The following CACNB2 variants were observed in gnomAD, a reference collection of about 807,000 sequenced individuals.
The protein encoded by CACNB2 is calcium voltage-gated channel auxiliary subunit beta 2, also known as voltage-dependent L-type calcium channel subunit beta-2.
A neutral mutation model predicts 73.3 loss-of-function variants in CACNB2; 42 were observed. That is an observed-to-expected ratio of 0.57 (90% CI 0.45 to 0.74). CACNB2 has a LOEUF of 0.74. CACNB2 is among the 30% of genes least tolerant of loss of function. The pLI is 0.00. For synonymous variants in CACNB2, 348 were observed against 310.3 expected, an observed-to-expected ratio of 1.12 and a Z score of -1.28; for missense variants, 940 against 853.0, an observed-to-expected ratio of 1.10 and a Z score of -1.27.
Position 18,347,344 on chromosome 10 carries a change from AT to A in CACNB2, c.214-54551del, listed in dbSNP as rs201654242. 1.9e-3 allele frequency among the ~76,000 whole-genome samples: 224 copies of A among 120,742 alleles called. 2 individuals carry two copies. Among genetic ancestry groups the A allele is most frequent in the Non-Finnish European group, 2.6e-3 (154 of 60,188 alleles). The allele number at this position is 120,742 out of a possible 152,430, so 79.2% of individuals were successfully genotyped here. ...AGGCGCATGCCGCCATGCCCGTCTAATTTTTTTTTTTTTTTTTTTTTTTTTT... is the reference window on the plus strand; with the variant it reads ...AGGCGCATGCCGCCATGCCCGTCTAATTTTTTTTTTTTTTTTTTTTTTTTT... On this transcript the variant is annotated intron_variant, in intron 2 of 13. Transcript: ENST00000324631.
chr10:18,152,321 T>A (rs995242778), intron 2 of CACNB2, among the ~76,000 whole-genome samples: 2 of 152,124 alleles, frequency 1.3e-5, no homozygotes, highest in Non-Finnish European at 2.9e-5. Flanking sequence ...ATTGTTGTGG[T>A]TGCAGGAAGT....
At chr10:18,175,574 A>T (rs1355421229) in intron 2 of CACNB2, among the ~76,000 whole-genome samples, 1 of 152,106 alleles carries the variant, frequency 6.6e-6, no homozygotes, top group Non-Finnish European at 1.5e-5. Flanking sequence ...ACAGGGCTCC[A>T]GTCTTCCGGC....
intron 2 of CACNB2, among the ~76,000 whole-genome samples, chr10:18,165,464 G>C (rs1348345126): frequency 6.6e-6 from 1 of 152,236 alleles, no homozygotes; most frequent in Non-Finnish European, 1.5e-5. Context: ...CCAGGCTGAA[G>C]TGCAAAGGCA....
rs530045076 is a variant in CACNB2 at position 18,247,884 on chromosome 10, G to C, written c.213+96909G>C. Reference sequence around the variant, plus strand: ...AATGCATATGACATAGAGTACCTCTGATGATGTTACAGTAACACACAGCTT... The same window carrying C: ...AATGCATATGACATAGAGTACCTCTCATGATGTTACAGTAACACACAGCTT... On this transcript the variant is annotated intron_variant, in intron 2 of 13. Coordinates refer to ENST00000324631, the MANE Select transcript of CACNB2 (RefSeq NM_201596.3). Among the ~76,000 whole-genome samples, 4 of 152,284 alleles carry C rather than the reference G, an allele frequency of 2.6e-5. 1 individual carries two copies. The South Asian group carries it at 8.3e-4, about 32-fold the overall frequency.
chr10:18,188,343 C>G (rs145344291), intron 2 of CACNB2, among the ~76,000 whole-genome samples: 15 of 152,188 alleles, frequency 9.9e-5, no homozygotes, highest in Non-Finnish European at 2.1e-4. Flanking sequence ...CAGAGTCCCA[C>G]TCTGTTGTGC....
rs184899271 is a variant in CACNB2 at position 18,148,428 on chromosome 10, C to T, written c.121-2455C>T. Among the ~76,000 whole-genome samples, 577 of 152,162 alleles carry T rather than the reference C, an allele frequency of 3.8e-3. 5 individuals are homozygous for T. Among genetic ancestry groups the T allele is most frequent in the African/African-American group, 0.013 (531 of 41,530 alleles). On this transcript the variant is annotated intron_variant, in intron 1 of 13. Transcript: ENST00000324631. The stretch of plus-strand genomic sequence containing the variant: ...ACTTTGCATAGGTAGCTAAGTACGC[C>T]TGAAATAACATTTATGAACAGGATT...
chr10:18,427,825 C>G (rs1158872135), intron 3 of CACNB2, among the ~76,000 whole-genome samples: 1 of 152,072 alleles, frequency 6.6e-6, no homozygotes, highest in African/African-American at 2.4e-5. Flanking sequence ...TTCCTTCTCT[C>G]AATTTTTACT....
At chr10:18,446,713 C>T (rs1327752685) in intron 3 of CACNB2, among the ~76,000 whole-genome samples, 2 of 152,226 alleles carry the variant, frequency 1.3e-5, no homozygotes, top group Admixed American at 1.3e-4. Flanking sequence ...CGCTGTGACA[C>T]TCCAAGAAGA....
At chr10:18,421,269 A>C (rs2045305610) in intron 3 of CACNB2, among the ~76,000 whole-genome samples, 1 of 151,566 alleles carries the variant, frequency 6.6e-6, no homozygotes, top group African/African-American at 2.4e-5. Context: ...TGTTCATTGT[A>C]ATATTACCAG....
chr10:18,152,174 T>G (rs1355412629), intron 2 of CACNB2, among the ~76,000 whole-genome samples: 1 of 152,132 alleles, frequency 6.6e-6, no homozygotes, highest in Non-Finnish European at 1.5e-5. Context: ...GGTTGCTGCT[T>G]CTTTGCACTG....
chr10:18,183,541 A>G (rs1340616855), intron 2 of CACNB2, among the ~76,000 whole-genome samples: 1 of 152,190 alleles, frequency 6.6e-6, no homozygotes, highest in Non-Finnish European at 1.5e-5. Context: ...CTTACATGGC[A>G]GCAGGCAAGA....
chr10:18,390,001 C>T (rs946015141), intron 2 of CACNB2, among the ~76,000 whole-genome samples: 1 of 152,112 alleles, frequency 6.6e-6, no homozygotes, highest in African/African-American at 2.4e-5. Context: ...AAATGTTAAA[C>T]AGTAAAATAT....
chr10:18,526,963 A>C lies in CACNB2; in HGVS notation c.945-625A>C, dbSNP rs368336420. ...AATCTCTCTGTGAGTCTCATTTTTC[A>C]TCAGCAACAGTGGGATAATAGTAAA... is the stretch of plus-strand genomic sequence containing the variant. On this transcript the variant is annotated intron_variant, in intron 9 of 13. Transcript: ENST00000324631. Among the ~76,000 whole-genome samples, 375 of 152,328 alleles carry C rather than the reference A, an allele frequency of 2.5e-3. 1 individual carries two copies. The highest frequency in any genetic ancestry group is 6.8e-3 in the Middle Eastern group (2 of 294).
chr10:18,180,767 C>T (rs2033831889), intron 2 of CACNB2, among the ~76,000 whole-genome samples: 1 of 151,970 alleles, frequency 6.6e-6, no homozygotes, highest in South Asian at 2.1e-4. Flanking sequence ...GAGATCGAGA[C>T]CATCCTGGCT....
At chr10:18,450,312 G>T (rs896832599) in intron 3 of CACNB2, among the ~76,000 whole-genome samples, 2 of 152,076 alleles carry the variant, frequency 1.3e-5, no homozygotes, top group Non-Finnish European at 2.9e-5. Flanking sequence ...AGGGCTAAAA[G>T]CATCCTTTAG....
At chr10:18,385,563 CTTGTGGTGAGCCGAGA>C (rs1464384117) in intron 2 of CACNB2, among the ~76,000 whole-genome samples, 4 of 146,628 alleles carry the variant, frequency 2.7e-5, no homozygotes, top group Non-Finnish European at 4.5e-5. Context: ...GGAGGCAGAG[CTTGTGGTGAGCCGAGA>C]TCGTGCCAAG....
intron 2 of CACNB2, among the ~76,000 whole-genome samples, chr10:18,246,886 A>G (rs2036881399): frequency 6.6e-6 from 1 of 152,180 alleles, no homozygotes; most frequent in East Asian, 1.9e-4. Flanking sequence ...TGCTGGAATT[A>G]CAGGCATGAG....
chr10:18,518,446 A>C (rs774226500), intron 8 of CACNB2, 30 bp downstream of exon 8: 52 of 1,440,030 alleles, frequency 3.6e-5, no homozygotes, highest in Non-Finnish European at 4.9e-5. Flanking sequence ...AGGAAGCTTA[A>C]CTTGCATGCT....
chr10:18,361,181 A>G (rs1564468298), intron 2 of CACNB2, among the ~76,000 whole-genome samples: 1 of 151,948 alleles, frequency 6.6e-6, no homozygotes, highest in African/African-American at 2.4e-5. Flanking sequence ...TCCCGGGCTC[A>G]TCCATTACCT....
Sources: gnomAD v4.1 joint callset for allele counts (sites outside exome capture counted in the v4.1 genomes callset) on GRCh38, gnomAD v4.1.1 for gene constraint, MANE v1.5 for transcripts, NCBI Gene and HGNC (gene_info 2026-07-23, HGNC 2026-07-21) for gene names.